ATL3: variants seen among roughly 807,000 people sequenced by gnomAD.
ATL3 encodes the protein atlastin GTPase 3.
ATL3 carries 49 observed loss-of-function variants against 69.5 expected under a neutral mutation model. The observed-to-expected ratio is 0.71, with a 90% CI of 0.56 to 0.89. ATL3 has a LOEUF of 0.89. Among genes scored for constraint, ATL3 ranks in the 40% least tolerant of loss-of-function variants. The pLI, the probability that ATL3 is intolerant of heterozygous loss-of-function variation, is 0.00. For synonymous variants in ATL3, 214 were observed against 224.1 expected, an observed-to-expected ratio of 0.95 and a Z score of 0.40; for missense variants, 606 against 645.7, an observed-to-expected ratio of 0.94 and a Z score of 0.67.
Position 63,635,538 on chromosome 11 carries a change from A to G in ATL3, c.1031T>C (p.Leu344Pro). The change falls in exon 10 of 13, where the codon CTT (leucine) becomes CCT (proline). Residue 344 changes from leucine (L) to proline (P), a missense_variant. Physicochemically the swap from Leu to Pro is moderately conservative, Grantham distance 98. Transcript: ENST00000398868. ...GGATGTCAAATCATTGTTTACCTGA[A>G]GCATGGACTTGGGGTGAGGCAGATC... ...GEDLPHPKSM[L>P]QATAEANNLA... is the part of the protein sequence containing the mutation. 6.2e-7 allele frequency: 1 copy of G among 1,612,242 alleles called. No individual in the cohort carries two copies. Among genetic ancestry groups the G allele is most frequent in the Non-Finnish European group, 8.5e-7 (1 of 1,178,444 alleles).
chr11:63,633,773 TCC>T (rs1939411072), intron 10 of ATL3, among the ~76,000 whole-genome samples: 1 of 147,340 alleles, frequency 6.8e-6, no homozygotes, highest in Non-Finnish European at 1.5e-5. Context: ...ACGCCTGTAA[TCC>T]CAGCACTTTG....
chr11:63,662,226 A>G (rs572923661), intron 1 of ATL3, among the ~76,000 whole-genome samples: 85 of 151,736 alleles, frequency 5.6e-4, no homozygotes, highest in East Asian at 1.9e-3. Flanking sequence ...AAAAAAAAAA[A>G]AAAGAAAGAA....
intron 1 of ATL3, among the ~76,000 whole-genome samples, chr11:63,664,754 T>A (rs532059490): frequency 6.6e-6 from 1 of 150,998 alleles, no homozygotes; most frequent in Non-Finnish European, 1.5e-5. Context: ...ACCACAGGCA[T>A]GCACCTCCAT....
intron 1 of ATL3, among the ~76,000 whole-genome samples, chr11:63,669,010 T>TC (rs1565286337): frequency 2.0e-5 from 2 of 102,404 alleles, no homozygotes; most frequent in Non-Finnish European, 4.5e-5. Context: ...AATTTTTTTT[T>TC]GGGTGGGGGG....
chr11:63,665,970 G>T (rs1401311097), intron 1 of ATL3, among the ~76,000 whole-genome samples: 1 of 152,072 alleles, frequency 6.6e-6, no homozygotes, highest in Non-Finnish European at 1.5e-5. Flanking sequence ...CAAGTTAAAT[G>T]GAGCTGCTTA....
Position 63,658,876 on chromosome 11 carries a change from C to G in ATL3, c.290G>C (p.Gly97Ala), listed in dbSNP as rs773076283. 1 of 1,607,138 alleles carries G rather than the reference C, an allele frequency of 6.2e-7. No homozygotes were observed. The highest frequency in any genetic ancestry group is 2.2e-5 in the East Asian group (1 of 44,766). The change falls in exon 3 of 13, where the codon GGT (glycine) becomes GCT (alanine). Residue 97 changes from glycine (G) to alanine (A), a missense_variant. By Grantham distance (60) the Gly-to-Ala change is moderately conservative. Transcript: ENST00000398868. ...QKESGHSNWL[G>A]DPEEPLTGFS... Reference sequence around the variant, plus strand: ...TCCTGTTAACGGTTCTTCTGGGTCACCCAACCAATTTGAATGGCCACTTTC... The same window carrying G: ...TCCTGTTAACGGTTCTTCTGGGTCAGCCAACCAATTTGAATGGCCACTTTC...
rs369705829 is a variant in ATL3, at chr11:63,631,030, C to T, written c.1539+10G>A. ...TATCAACCCTCAGGCTCTTCAGCAG[C>T]ACCACTTACCTGCTCCAACACATAT... On this transcript the variant is annotated intron_variant, in intron 12 of 12. Transcript: ENST00000398868. 3.1e-6 allele frequency: 5 copies of T among 1,593,864 alleles called. No individual in the cohort carries two copies. The highest frequency in any genetic ancestry group is 1.3e-5 in the African/African-American group (1 of 74,364).
intron 1 of ATL3, among the ~76,000 whole-genome samples, chr11:63,664,455 G>A (rs906733358): frequency 6.6e-6 from 1 of 151,330 alleles, no homozygotes; most frequent in African/African-American, 2.4e-5. Context: ...CAGGAGAATC[G>A]CTTGAACCCG....
chr11:63,662,869 G>A (rs1407138909), intron 1 of ATL3, among the ~76,000 whole-genome samples: 1 of 152,002 alleles, frequency 6.6e-6, no homozygotes, highest in Non-Finnish European at 1.5e-5. Context: ...ACAGTACCCA[G>A]CCAAGAAGTC....
chr11:63,665,291 A>AGC (rs1321233194), intron 1 of ATL3, among the ~76,000 whole-genome samples: 2 of 150,860 alleles, frequency 1.3e-5, no homozygotes, highest in Non-Finnish European at 2.9e-5. Context: ...GGTTGCGGTG[A>AGC]GCTGAGATTA....
At chr11:63,638,557 T>C (rs541505983) in intron 8 of ATL3, among the ~76,000 whole-genome samples, 2 of 151,976 alleles carry the variant, frequency 1.3e-5, no homozygotes, top group African/African-American at 2.4e-5. Flanking sequence ...ACACAAAAAT[T>C]ACCCAGGCAT....
intron 5 of ATL3, among the ~76,000 whole-genome samples, chr11:63,651,240 A>G (rs1380538061): frequency 1.3e-5 from 2 of 152,052 alleles, no homozygotes; most frequent in African/African-American, 4.8e-5. Flanking sequence ...GCGGATCACG[A>G]GGTCAACAAT....
chr11:63,630,788 G>A (rs1489111023), intron 12 of ATL3, among the ~76,000 whole-genome samples: 6 of 123,604 alleles, frequency 4.9e-5, no homozygotes, highest in South Asian at 3.3e-4. Context: ...AGAGCACAGC[G>A]AGACTTTGTC....
intron 8 of ATL3, among the ~76,000 whole-genome samples, chr11:63,637,277 G>GGAAA (rs751495676): frequency 2.1e-5 from 3 of 140,080 alleles, no homozygotes; most frequent in African/African-American, 8.0e-5. Context: ...CTCCATCTCA[G>GGAAA]AAAAAAAAAA....
intron 8 of ATL3, among the ~76,000 whole-genome samples, chr11:63,641,731 T>C (rs982504974): frequency 1.3e-5 from 2 of 152,170 alleles, no homozygotes; most frequent in Admixed American, 6.5e-5. Context: ...TGGTAATTGG[T>C]TAAAGGCAGC....
upstream of ATL3, chr11:63,671,406 C>A (rs1940775833): frequency 1.3e-6 from 2 of 1,523,810 alleles, no homozygotes; most frequent in African/African-American, 2.9e-5. Context: ...GGGAACGAAC[C>A]GGGCCCTGGA....
At chr11:63,664,371 T>G (rs1270694270) in intron 1 of ATL3, among the ~76,000 whole-genome samples, 3 of 151,848 alleles carry the variant, frequency 2.0e-5, no homozygotes, top group African/African-American at 7.2e-5. Context: ...AAACCCCATC[T>G]CTACCAAAAA....
intron 1 of ATL3, among the ~76,000 whole-genome samples, chr11:63,667,024 G>A (rs769339311): frequency 2.0e-5 from 3 of 152,136 alleles, no homozygotes; most frequent in Admixed American, 6.6e-5. Flanking sequence ...AGATTGCAAC[G>A]CAGTTCTTAG....
At chr11:63,638,989 C>T (rs974515463) in intron 8 of ATL3, among the ~76,000 whole-genome samples, 8 of 152,104 alleles carry the variant, frequency 5.3e-5, no homozygotes, top group African/African-American at 7.2e-5. Context: ...ATGGATTAGC[C>T]CTAACAACCT....
Sources: allele counts gnomAD v4.1 joint callset (sites outside exome capture counted in the v4.1 genomes callset), GRCh38; gene constraint gnomAD v4.1.1; transcripts MANE v1.5; gene names NCBI Gene and HGNC (gene_info 2026-07-23, HGNC 2026-07-21).